Variants in DGLUCY observed in about 807,000 individuals in gnomAD.
The protein encoded by DGLUCY is D-glutamate cyclase.
DGLUCY carries 58 observed loss-of-function variants against 58.5 expected under a neutral mutation model. The ratio of observed to expected loss-of-function variants is 0.99; its 90% CI spans 0.80 to 1.23. The LOEUF is 1.23. Among genes scored for constraint, DGLUCY ranks in the 50% most tolerant of loss-of-function variants. The pLI is 0.00. For synonymous variants in DGLUCY, 325 were observed against 314.1 expected (o/e 1.03, Z -0.37); for missense variants, 779 against 784.7 (o/e 0.99, Z 0.09).
chr14:91,112,497 C>T (rs1324830249), upstream of DGLUCY, among the ~76,000 whole-genome samples: 1 of 152,090 alleles, frequency 6.6e-6, no homozygotes, highest in Non-Finnish European at 1.5e-5. Context: ...GAGGGTCCAG[C>T]AGGTCAGAGA....
At chr14:91,184,519 A>G (rs1595865499) in intron 8 of DGLUCY, among the ~76,000 whole-genome samples, 2 of 144,944 alleles carry the variant, frequency 1.4e-5, no homozygotes, top group South Asian at 4.5e-4. Flanking sequence ...GCAGCACTGC[A>G]CTCCAGCCTG....
intron 1 of DGLUCY, among the ~76,000 whole-genome samples, chr14:91,121,268 CAA>C (rs749193876): frequency 1.3e-5 from 2 of 152,182 alleles, no homozygotes; most frequent in Non-Finnish European, 2.9e-5. Flanking sequence ...CTGTAAATGG[CAA>C]AAGAGTGAAC....
chr14:91,087,439 C>A (rs1400436743), intron 1 of DGLUCY, among the ~76,000 whole-genome samples: 2 of 152,204 alleles, frequency 1.3e-5, no homozygotes, highest in Non-Finnish European at 2.9e-5. Flanking sequence ...CCTGTGCTAA[C>A]ATTCTTAAGT....
intron 4 of DGLUCY, 185 bp downstream of exon 4, chr14:91,167,563 A>G (rs781118427): frequency 1.0e-5 from 8 of 787,708 alleles, no homozygotes; most frequent in South Asian, 5.7e-5. Flanking sequence ...TCCTTCCCCT[A>G]TCACCTGGCG....
chr14:91,107,378 G>A (rs941081952), upstream of DGLUCY, among the ~76,000 whole-genome samples: 1 of 151,612 alleles, frequency 6.6e-6, no homozygotes, highest in Non-Finnish European at 1.5e-5. Context: ...AATTTGCCGG[G>A]GTGGTGGCTC....
chr14:91,132,757 C>T (rs954854409), intron 1 of DGLUCY, among the ~76,000 whole-genome samples: 1 of 151,506 alleles, frequency 6.6e-6, no homozygotes, highest in Admixed American at 6.6e-5. Context: ...GGATTACAGG[C>T]GTGAGCCACT....
At chr14:91,096,396 TG>T (rs2044395171) in intron 1 of DGLUCY, among the ~76,000 whole-genome samples, 1 of 134,490 alleles carries the variant, frequency 7.4e-6, no homozygotes, top group African/African-American at 2.8e-5. Flanking sequence ...CACTCCAGCC[TG>T]GGTGACAGAG....
At chr14:91,115,456 C>T (rs2044871827) in intron 1 of DGLUCY, among the ~76,000 whole-genome samples, 1 of 152,056 alleles carries the variant, frequency 6.6e-6, no homozygotes, top group South Asian at 2.1e-4. Flanking sequence ...CGGAGTCTTG[C>T]TGTGTCGCCC....
Position 91,193,427 on chromosome 14 carries a change from A to G in DGLUCY, c.1196-2948A>G, listed in dbSNP as rs554792071. Among the ~76,000 whole-genome samples the G allele has an allele frequency of 1.2e-4, 19 of 152,342 alleles. No homozygotes were observed. The East Asian group carries it at 3.7e-3, about 29-fold the overall frequency. On this transcript the variant is annotated intron_variant, in intron 9 of 13. Transcript: ENST00000256324. ...TTGTCCTCATGGGAGCTCAGAGGGT[A>G]GAATTTGCTATATTGGATTTTACAG...
At chr14:91,162,193 C>G (rs2048031888) in intron 3 of DGLUCY, among the ~76,000 whole-genome samples, 2 of 152,198 alleles carry the variant, frequency 1.3e-5, no homozygotes, top group South Asian at 4.1e-4. Context: ...GAGAGAAGCT[C>G]ATTTTACCAA....
intron 1 of DGLUCY, among the ~76,000 whole-genome samples, chr14:91,133,828 G>A (rs921873397): frequency 6.6e-6 from 1 of 152,142 alleles, no homozygotes; most frequent in Non-Finnish European, 1.5e-5. Context: ...TTTTGTCTTT[G>A]ATAATAGCCA....
chr14:91,149,402 T>G (rs1172373644), intron 1 of DGLUCY, among the ~76,000 whole-genome samples: 1 of 152,224 alleles, frequency 6.6e-6, no homozygotes, highest in Non-Finnish European at 1.5e-5. Context: ...TGGAGATGTG[T>G]GGAGCCCCCA....
chr14:91,085,451 A>G (rs767150579), intron 1 of DGLUCY, among the ~76,000 whole-genome samples: 1 of 151,378 alleles, frequency 6.6e-6, no homozygotes, highest in South Asian at 2.1e-4. Flanking sequence ...CACTGTGTCC[A>G]TAGCTCTTAT....
In DGLUCY at chr14:91,158,700, C is replaced by A. The variant is rs1041665617; in HGVS notation, c.-30+1010C>A. Among the ~76,000 whole-genome samples the A allele has an allele frequency of 3.3e-5, 5 of 152,282 alleles. No individual in the cohort carries two copies. The East Asian group carries it at 9.7e-4, about 29-fold the overall frequency. On this transcript the variant is annotated intron_variant, in intron 2 of 13. Transcript: ENST00000256324. ...CAGCTAGTCATCCAACAAACACTTACTGAACTCCCACCTTTGTGCCACTAT... is the reference window on the plus strand; with the variant it reads ...CAGCTAGTCATCCAACAAACACTTAATGAACTCCCACCTTTGTGCCACTAT...
rs74083936 is a variant in DGLUCY at position 91,078,719 on chromosome 14, A to G, written c.-82+18015A>G. On this transcript the variant is annotated intron_variant, in intron 1 of 4. Transcript: ENST00000521334. ...TTTGGGGTTTTGGTTTTTGGTCTTC[A>G]AAGTAATTCATTTTCTCTGAAGAAA... is the stretch of plus-strand genomic sequence containing the variant. 6.8e-3 allele frequency among the ~76,000 whole-genome samples: 1,032 copies of G among 152,222 alleles called. 7 individuals are homozygous for G. Among genetic ancestry groups the G allele is most frequent in the African/African-American group, 0.024 (980 of 41,530 alleles).
At chr14:91,083,536 A>G (rs2044162691) in intron 1 of DGLUCY, among the ~76,000 whole-genome samples, 2 of 151,202 alleles carry the variant, frequency 1.3e-5, no homozygotes, top group South Asian at 4.2e-4. Context: ...AAAAAAAAAA[A>G]AAAACAGAGA....
chr14:91,209,759 G>A (rs28802872), intron 12 of DGLUCY, among the ~76,000 whole-genome samples: 81,374 of 152,010 alleles, frequency 0.54, 23,727 homozygotes, highest in African/African-American at 0.78. Flanking sequence ...CCAAGATTGA[G>A]CTATATATTG....
chr14:91,120,963 G>C (rs1006052255), intron 1 of DGLUCY, among the ~76,000 whole-genome samples: 1 of 152,094 alleles, frequency 6.6e-6, no homozygotes, highest in Admixed American at 6.6e-5. Context: ...TGCTCCTGGG[G>C]CTCTTAGATG....
chr14:91,094,451 A>G (rs894498366), intron 1 of DGLUCY, among the ~76,000 whole-genome samples: 2 of 150,734 alleles, frequency 1.3e-5, no homozygotes, highest in African/African-American at 2.4e-5. Flanking sequence ...AAAAAAAGCA[A>G]CTACAGCCCA....
Sources: allele counts gnomAD v4.1 joint callset (sites outside exome capture counted in the v4.1 genomes callset), GRCh38; gene constraint gnomAD v4.1.1; transcripts MANE v1.5; gene names NCBI Gene and HGNC (gene_info 2026-07-23, HGNC 2026-07-21).